Variants in TACR3 observed in about 807,000 individuals in gnomAD.
TACR3 encodes tachykinin receptor 3.
A neutral mutation model predicts 35.0 loss-of-function variants in TACR3; 34 were observed. That is an observed-to-expected ratio of 0.97 (90% CI 0.74 to 1.30). TACR3 has a LOEUF of 1.30. Among genes scored for constraint, TACR3 ranks in the 50% most tolerant of loss-of-function variants. The pLI is 0.00. For missense variants in TACR3, 558 were observed against 591.7 expected, an observed-to-expected ratio of 0.94 and a Z score of 0.59; for synonymous variants, 233 against 221.1, an observed-to-expected ratio of 1.05 and a Z score of -0.48.
intron 1 of TACR3, among the ~76,000 whole-genome samples, chr4:103,687,821 C>T (rs1188069757): frequency 1.3e-5 from 2 of 152,060 alleles, no homozygotes; most frequent in Non-Finnish European, 2.9e-5. Flanking sequence ...GGCCATACTG[C>T]CCAAGGTAAT....
In TACR3 at chr4:103,719,963, T is replaced by G; in HGVS notation, c.-288A>C. 1 of 535,844 alleles carries G rather than the reference T, an allele frequency of 1.9e-6. No homozygotes were observed. The allele number at this position is 535,844 out of a possible 1,614,324, so 33.2% of individuals were successfully genotyped here. ...CATCACACGTAGGGAGGGTGCCAGC[T>G]GCCCGGCACAGGCTGGAGAACTGAG... is the stretch of plus-strand genomic sequence containing the variant. On this transcript the variant is annotated 5_prime_UTR_variant, in exon 1 of 5. Coordinates refer to ENST00000304883, the MANE Select transcript of TACR3 (RefSeq NM_001059.3).
intron 1 of TACR3, among the ~76,000 whole-genome samples, chr4:103,684,376 A>G (rs564943839): frequency 6.6e-6 from 1 of 152,306 alleles, no homozygotes; most frequent in South Asian, 2.1e-4. Flanking sequence ...GATGCAGAAT[A>G]CAGGTTCAAG....
Position 103,719,770 on chromosome 4 carries a change from G to T in TACR3, c.-95C>A. ...TTCTTCTCTGCCTCCTGGTCACTTT[G>T]GTGCCGGAGTCTTCAGATAAGACTG... On this transcript the variant is annotated 5_prime_UTR_variant, in exon 1 of 5. Coordinates refer to ENST00000304883, the MANE Select transcript of TACR3 (RefSeq NM_001059.3). 1.3e-6 allele frequency: 2 copies of T among 1,499,798 alleles called. No individual in the cohort carries two copies. The highest frequency in any genetic ancestry group is 1.8e-6 in the Non-Finnish European group (2 of 1,102,562). The allele number at this position is 1,499,798 out of a possible 1,614,324, so 92.9% of individuals were successfully genotyped here.
intron 1 of TACR3, among the ~76,000 whole-genome samples, chr4:103,711,625 T>C (rs933779213): frequency 4.4e-4 from 67 of 152,244 alleles, no homozygotes; most frequent in Non-Finnish European, 5.4e-4. Context: ...TTCAACATAA[T>C]GTTGGAAGTT....
At chr4:103,643,651 T>G (rs1725402543) in intron 3 of TACR3, among the ~76,000 whole-genome samples, 1 of 151,822 alleles carries the variant, frequency 6.6e-6, no homozygotes, top group Non-Finnish European at 1.5e-5. Flanking sequence ...CTTCCAGGAT[T>G]TTTGTGAGGA....
intron 1 of TACR3, among the ~76,000 whole-genome samples, chr4:103,683,841 G>GGA (rs889631883): frequency 2.6e-4 from 30 of 113,504 alleles, no homozygotes; most frequent in African/African-American, 5.8e-4. Flanking sequence ...AGAGAGAGAA[G>GGA]GAGAGAGAGA....
Position 103,629,861 on chromosome 4 carries a change from CAAA to C in TACR3, c.888+26330_888+26332del, listed in dbSNP as rs373706568. On this transcript the variant is annotated intron_variant, in intron 3 of 4. Transcript: ENST00000304883. ...AATCCTAAGCAAAACAAAAAAAAAA[CAAA>C]AAAAAAACAAAAAAAACAACAACAA... Among the ~76,000 whole-genome samples the C allele has an allele frequency of 3.8e-4, 37 of 98,506 alleles. 1 individual carries two copies. Among genetic ancestry groups the C allele is most frequent in the African/African-American group, 1.5e-3 (36 of 24,112 alleles). The allele number at this position is 98,506 out of a possible 152,430, so 64.6% of individuals were successfully genotyped here.
At chr4:103,682,782 C>T (rs1205706656) in intron 1 of TACR3, among the ~76,000 whole-genome samples, 1 of 152,106 alleles carries the variant, frequency 6.6e-6, no homozygotes, top group Non-Finnish European at 1.5e-5. Flanking sequence ...GCTGTTTTCT[C>T]ATCTGGAGGC....
rs554016384 is a variant in TACR3 at position 103,675,038 on chromosome 4, A to G, written c.549-16635T>C. ...TATAGGTGTTTTTCATTCATGAAAA[A>G]TGAACACTTTTTTGAGTATCCTCAT... On this transcript the variant is annotated intron_variant, in intron 1 of 4. Transcript: ENST00000304883. 5.1e-4 allele frequency among the ~76,000 whole-genome samples: 77 copies of G among 152,338 alleles called. No homozygotes were observed. In the South Asian group the frequency reaches 0.014, roughly 27 times the overall value.
At chr4:103,653,886 G>A (rs1277225992) in intron 3 of TACR3, among the ~76,000 whole-genome samples, 1 of 152,136 alleles carries the variant, frequency 6.6e-6, no homozygotes, top group Non-Finnish European at 1.5e-5. Flanking sequence ...AGTGGGCGAA[G>A]GATATGAACA....
At chr4:103,633,044 T>A (rs2110313257) in intron 3 of TACR3, among the ~76,000 whole-genome samples, 1 of 112,930 alleles carries the variant, frequency 8.9e-6, no homozygotes, top group South Asian at 2.8e-4. Context: ...ATTATTTTCC[T>A]GACATCTTTT....
chr4:103,629,137 TCTCAAAA>T (rs1159026211), intron 3 of TACR3, among the ~76,000 whole-genome samples: 1 of 152,148 alleles, frequency 6.6e-6, no homozygotes, highest in Admixed American at 6.6e-5. Flanking sequence ...ATGGAATGTA[TCTCAAAA>T]TAATCAGAGC....
chr4:103,590,190 C>T (rs1411609543), intron 4 of TACR3, among the ~76,000 whole-genome samples, 196 bp from the exon 5 acceptor site: 2 of 151,822 alleles, frequency 1.3e-5, no homozygotes, highest in South Asian at 4.1e-4. Context: ...TCTTAATTTC[C>T]CATTAATGAG....
intron 1 of TACR3, among the ~76,000 whole-genome samples, chr4:103,718,839 A>G (rs1304130402): frequency 6.6e-6 from 1 of 152,196 alleles, no homozygotes; most frequent in African/African-American, 2.4e-5. Flanking sequence ...AGTTTGCCCT[A>G]CTTGGAAGGG....
At chr4:103,600,938 T>C (rs930187831) in intron 3 of TACR3, among the ~76,000 whole-genome samples, 14 of 152,166 alleles carry the variant, frequency 9.2e-5, no homozygotes, top group Admixed American at 2.6e-4. Flanking sequence ...CATATTTTGT[T>C]GATTTGGGGT....
chr4:103,719,639 C>A lies in TACR3; in HGVS notation c.37G>T (p.Gly13Trp), dbSNP rs200565287. ...GCGTCTGCACCCACGCCTCCACCCCCGTCTATCCAGGTTTCTGCTGCTGGG... is the reference window on the plus strand; with the variant it reads ...GCGTCTGCACCCACGCCTCCACCCCAGTCTATCCAGGTTTCTGCTGCTGGG... The part of the protein sequence containing the change: ...TLPAAETWID[G>W]GGGVGADAVN... The change falls in exon 1 of 5, where the codon GGG (glycine) becomes TGG (tryptophan). Residue 13 changes from glycine (G) to tryptophan (W), a missense_variant. Gly to Trp is a radical substitution (Grantham distance 184). Coordinates refer to ENST00000304883, the MANE Select transcript of TACR3 (RefSeq NM_001059.3). 4.3e-6 allele frequency: 7 copies of A among 1,613,310 alleles called. No homozygotes were observed. The South Asian group carries it at 4.4e-5, about 10-fold the overall frequency.
intron 3 of TACR3, among the ~76,000 whole-genome samples, chr4:103,638,807 G>A (rs1725272582): frequency 6.6e-6 from 1 of 152,190 alleles, no homozygotes; most frequent in East Asian, 1.9e-4. Flanking sequence ...CTCAAAAGAA[G>A]ACATTTATGC....
intron 1 of TACR3, among the ~76,000 whole-genome samples, chr4:103,706,532 C>CAT (rs1354876918): frequency 1.4e-5 from 2 of 140,574 alleles, no homozygotes; most frequent in Non-Finnish European, 3.3e-5. Context: ...TATACACACA[C>CAT]ATATATACAC....
At chr4:103,602,394 C>A (rs1431956637) in intron 3 of TACR3, among the ~76,000 whole-genome samples, 1 of 152,200 alleles carries the variant, frequency 6.6e-6, no homozygotes, top group East Asian at 1.9e-4. Flanking sequence ...TCCTCTAAGT[C>A]ATTCTCCATC....
Sources: allele counts gnomAD v4.1 joint callset (sites outside exome capture counted in the v4.1 genomes callset), GRCh38; gene constraint gnomAD v4.1.1; transcripts MANE v1.5; gene names NCBI Gene and HGNC (gene_info 2026-07-23, HGNC 2026-07-21).